The following SNTB1 variants were observed in gnomAD, a reference collection of about 807,000 sequenced individuals.
SNTB1 encodes beta-1-syntrophin.
A neutral mutation model predicts 48.9 loss-of-function variants in SNTB1; 36 were observed. The ratio of observed to expected loss-of-function variants is 0.74; its 90% CI spans 0.56 to 0.97. SNTB1 has a LOEUF of 0.97. Ranked by LOEUF, SNTB1 falls within the 50% of genes least tolerant of loss-of-function variation. The probability of loss-of-function intolerance (pLI) is 0.00; values close to 1 mark genes in which losing one functional copy is unlikely to be tolerated. For missense variants in SNTB1, 786 were observed against 703.4 expected (o/e 1.12, Z -1.33); for synonymous variants, 299 against 294.6 (o/e 1.01, Z -0.15).
chr8:120,716,918 C>G (rs965680191), intron 1 of SNTB1, among the ~76,000 whole-genome samples: 3 of 152,146 alleles, frequency 2.0e-5, no homozygotes, highest in Non-Finnish European at 2.9e-5. Flanking sequence ...ACTGGTCTTT[C>G]AGCAGTTTTC....
chr8:120,558,736 A>G (rs1815607502), intron 4 of SNTB1, among the ~76,000 whole-genome samples: 1 of 152,186 alleles, frequency 6.6e-6, no homozygotes, highest in Non-Finnish European at 1.5e-5. Flanking sequence ...CTCAACTGCA[A>G]ACTGGGGATA....
chr8:120,564,564 G>GTTTTTTTT lies in SNTB1; in HGVS notation c.1136+10514_1136+10521dup, dbSNP rs71306893. Among the ~76,000 whole-genome samples, 25 of 84,220 alleles carry GTTTTTTTT rather than the reference G, an allele frequency of 3.0e-4. 1 individual carries two copies. The highest frequency in any genetic ancestry group is 3.8e-4 in the East Asian group (1 of 2,604). The allele number at this position is 84,220 out of a possible 152,430, so 55.3% of individuals were successfully genotyped here. ...CCCTGCAATAGATACTATTATTCTG[G>GTTTTTTTT]TTTTTTTTTTTTTTTTTTTTTGAGA... On this transcript the variant is annotated intron_variant, in intron 4 of 6. Coordinates refer to ENST00000517992, the MANE Select transcript of SNTB1 (RefSeq NM_021021.4).
At chr8:120,679,081 T>A (rs952086089) in intron 2 of SNTB1, among the ~76,000 whole-genome samples, 1 of 152,186 alleles carries the variant, frequency 6.6e-6, no homozygotes, top group Non-Finnish European at 1.5e-5. Flanking sequence ...TCCCACTGGG[T>A]GCTAGGTCCT....
intron 2 of SNTB1, among the ~76,000 whole-genome samples, chr8:120,647,614 G>T (rs1817322027): frequency 7.0e-6 from 1 of 143,670 alleles, no homozygotes; most frequent in Non-Finnish European, 1.5e-5. Flanking sequence ...AATAGGTGTG[G>T]TGTGGTGCTG....
chr8:120,694,573 TTA>T (rs533402483), intron 1 of SNTB1, among the ~76,000 whole-genome samples: 1 of 151,106 alleles, frequency 6.6e-6, no homozygotes. Context: ...CATTAATTCT[TTA>T]TATATATATC....
intron 1 of SNTB1, among the ~76,000 whole-genome samples, chr8:120,700,494 T>G (rs2129885938): frequency 6.6e-6 from 1 of 152,330 alleles, no homozygotes; most frequent in South Asian, 2.1e-4. Context: ...TAATCAGAAC[T>G]AATTAATAAA....
At chr8:120,620,603 T>C (rs1210487506) in intron 3 of SNTB1, among the ~76,000 whole-genome samples, 5 of 152,080 alleles carry the variant, frequency 3.3e-5, no homozygotes, top group Non-Finnish European at 5.9e-5. Flanking sequence ...GATGTTTGAA[T>C]TCAACAGCTA....
intron 2 of SNTB1, among the ~76,000 whole-genome samples, chr8:120,672,008 C>G (rs1817766303): frequency 6.6e-6 from 1 of 152,190 alleles, no homozygotes; most frequent in African/African-American, 2.4e-5. Flanking sequence ...AGAAACTGTA[C>G]TTCAAGTACC....
chr8:120,626,209 ATG>A (rs1816879734), intron 3 of SNTB1, among the ~76,000 whole-genome samples: 1 of 152,142 alleles, frequency 6.6e-6, no homozygotes, highest in Non-Finnish European at 1.5e-5. Context: ...AGACTATAGT[ATG>A]TATATATATA....
At chr8:120,805,050 A>C (rs973765569) in intron 1 of SNTB1, among the ~76,000 whole-genome samples, 2 of 152,228 alleles carry the variant, frequency 1.3e-5, no homozygotes, top group African/African-American at 4.8e-5. Context: ...AGTACATAAA[A>C]GACACTCAAT....
chr8:120,790,809 T>A (rs1296500561), intron 1 of SNTB1, among the ~76,000 whole-genome samples: 1 of 151,910 alleles, frequency 6.6e-6, no homozygotes, highest in African/African-American at 2.4e-5. Context: ...AAAATGGACA[T>A]ACTGCCCAAA....
rs367712795 is a variant in SNTB1 at position 120,538,054 on chromosome 8, A to G, written c.*823T>C. ...GACAATATTTTCTGAAAAAATACCCATAATTCACTCTCTATAAATAAAGCT... is the reference window on the plus strand; with the variant it reads ...GACAATATTTTCTGAAAAAATACCCGTAATTCACTCTCTATAAATAAAGCT... On this transcript the variant is annotated 3_prime_UTR_variant, in exon 7 of 7. Transcript: ENST00000517992. 6.6e-6 allele frequency: 1 copy of G among 152,340 alleles called. No homozygotes were observed. Among genetic ancestry groups the G allele is most frequent in the East Asian group, 1.9e-4 (1 of 5,202 alleles). The allele number at this position is 152,340 out of a possible 1,614,324, so 9.4% of individuals were successfully genotyped here.
chr8:120,598,891 C>G (rs7812594), intron 3 of SNTB1, among the ~76,000 whole-genome samples: 35,738 of 152,036 alleles, frequency 0.24, 4,352 homozygotes, highest in African/African-American at 0.29. Flanking sequence ...ACGGCTCCTC[C>G]TCTGTGTGAA....
chr8:120,639,552 TG>T (rs1327897593), intron 2 of SNTB1, among the ~76,000 whole-genome samples: 1 of 152,250 alleles, frequency 6.6e-6, no homozygotes, highest in African/African-American at 2.4e-5. Context: ...AATTAATTTT[TG>T]TATAAGGTGT....
intron 2 of SNTB1, among the ~76,000 whole-genome samples, chr8:120,660,926 C>T (rs568319858): frequency 1.3e-5 from 2 of 152,234 alleles, no homozygotes; most frequent in South Asian, 2.1e-4. Context: ...AACAGCCAAT[C>T]GATGGAGCCG....
rs184373537 is a variant in SNTB1, at chr8:120,797,121, G to A, written c.571+14152C>T. 2.0e-4 allele frequency among the ~76,000 whole-genome samples: 31 copies of A among 152,088 alleles called. No individual in the cohort carries two copies. In the East Asian group the frequency reaches 4.8e-3, roughly 24 times the overall value. ...ATTTAATTCAGTGTTTGGAATAGCT[G>A]TAGAAACTTATATTTATTTTTTCTC... On this transcript the variant is annotated intron_variant, in intron 1 of 6. Coordinates refer to ENST00000517992, the MANE Select transcript of SNTB1 (RefSeq NM_021021.4).
At chr8:120,649,772 G>C (rs1817377786) in intron 2 of SNTB1, among the ~76,000 whole-genome samples, 1 of 152,208 alleles carries the variant, frequency 6.6e-6, no homozygotes. Context: ...CAGCCTAGCT[G>C]CCACCTTGCA....
intron 1 of SNTB1, among the ~76,000 whole-genome samples, chr8:120,755,837 A>G (rs942522733): frequency 6.6e-6 from 1 of 152,160 alleles, no homozygotes; most frequent in African/African-American, 2.4e-5. Flanking sequence ...CCAACAACCA[A>G]TAACTGGAAG....
intron 2 of SNTB1, among the ~76,000 whole-genome samples, chr8:120,634,638 G>T (rs1817042934): frequency 6.6e-6 from 1 of 152,134 alleles, no homozygotes; most frequent in Non-Finnish European, 1.5e-5. Flanking sequence ...CAACAACTAT[G>T]CCCAGTAATG....
Sources: allele counts gnomAD v4.1 joint callset (sites outside exome capture counted in the v4.1 genomes callset), GRCh38; gene constraint gnomAD v4.1.1; transcripts MANE v1.5; gene names NCBI Gene and HGNC (gene_info 2026-07-23, HGNC 2026-07-21).